Variants in FAF1 observed in about 807,000 individuals in gnomAD.
FAF1 encodes the protein FAS-associated factor 1.
Under a neutral mutation model 92.5 loss-of-function variants are expected in FAF1, and 25 were observed. The ratio of observed to expected loss-of-function variants is 0.27; its 90% CI spans 0.20 to 0.38. The LOEUF (loss-of-function observed/expected upper bound fraction) is 0.38. FAF1 is among the 10% of genes least tolerant of loss of function. FAF1 has a pLI of 1.00. For synonymous variants in FAF1, 234 were observed against 273.2 expected (o/e 0.86, Z 1.42); for missense variants, 636 against 793.3 (o/e 0.80, Z 2.38).
intron 17 of FAF1, among the ~76,000 whole-genome samples, 188 bp downstream of exon 17, chr1:50,490,398 AGG>A (rs1646818381): frequency 3.8e-5 from 2 of 52,842 alleles, no homozygotes; most frequent in Non-Finnish European, 9.9e-5. Context: ...GAAGGAAGGA[AGG>A]AAGGAAGGAA....
chr1:50,553,052 C>A (rs569190037), intron 13 of FAF1, among the ~76,000 whole-genome samples: 42 of 152,124 alleles, frequency 2.8e-4, no homozygotes, highest in Admixed American at 5.9e-4. Context: ...TTTAAAGTAT[C>A]ACAAGGAAAT....
intron 6 of FAF1, among the ~76,000 whole-genome samples, chr1:50,721,697 C>T (rs1386124187): frequency 1.3e-5 from 2 of 152,082 alleles, no homozygotes; most frequent in Admixed American, 6.6e-5. Flanking sequence ...AATCTCAGCT[C>T]ATAACAACAT....
At chr1:50,663,477 A>T (rs1347450328) in intron 7 of FAF1, among the ~76,000 whole-genome samples, 5 of 146,614 alleles carry the variant, frequency 3.4e-5, no homozygotes, top group Admixed American at 1.4e-4. Flanking sequence ...ATCTCAGCTC[A>T]CTGCAACCTC....
At chr1:50,798,412 T>C (rs1291433343) in intron 3 of FAF1, among the ~76,000 whole-genome samples, 2 of 152,216 alleles carry the variant, frequency 1.3e-5, no homozygotes, top group Admixed American at 6.5e-5. Context: ...TTAGAAAACA[T>C]AGCATCAGCT....
chr1:50,903,343 T>C (rs1007395427), intron 1 of FAF1, among the ~76,000 whole-genome samples: 40 of 152,328 alleles, frequency 2.6e-4, no homozygotes, highest in Admixed American at 2.4e-3. Context: ...TATCTCAAAG[T>C]TCCTGAGATA....
chr1:50,739,026 C>T, intron 5 of FAF1, 72 bp from the exon 6 acceptor site: 1 of 980,162 alleles, frequency 1.0e-6, no homozygotes, highest in Admixed American at 2.6e-5. Flanking sequence ...TCCTGTAATT[C>T]TTGAAAAATT....
At chr1:50,921,877 T>C (rs1345700624) in intron 1 of FAF1, among the ~76,000 whole-genome samples, 1 of 151,570 alleles carries the variant, frequency 6.6e-6, no homozygotes, top group Non-Finnish European at 1.5e-5. Flanking sequence ...TACAGAAAAC[T>C]ACCAAATGGC....
rs149420376 is a variant in FAF1 at position 50,554,364 on chromosome 1, A to AATAT, written c.1268+12709_1268+12712dup. 4.6e-3 allele frequency among the ~76,000 whole-genome samples: 538 copies of AATAT among 117,140 alleles called. 5 individuals carry two copies. Among genetic ancestry groups the AATAT allele is most frequent in the Non-Finnish European group, 5.5e-3 (320 of 58,534 alleles). The allele number at this position is 117,140 out of a possible 152,430, so 76.8% of individuals were successfully genotyped here. ...ATTGTGGAAAAGATTAAATGAGGTA[A>AATAT]ATATATATATATATATATATATATA... is the stretch of plus-strand genomic sequence containing the variant. On this transcript the variant is annotated intron_variant, in intron 13 of 18. Coordinates refer to ENST00000396153, the MANE Select transcript of FAF1 (RefSeq NM_007051.3).
At chr1:50,919,816 G>A (rs1471140275) in intron 1 of FAF1, among the ~76,000 whole-genome samples, 2 of 152,172 alleles carry the variant, frequency 1.3e-5, no homozygotes, top group Non-Finnish European at 2.9e-5. Context: ...GTAGTATAAA[G>A]CAATTAAGAG....
intron 18 of FAF1, among the ~76,000 whole-genome samples, chr1:50,449,479 CTTTT>C (rs1170628371): frequency 2.1e-5 from 3 of 145,996 alleles, no homozygotes; most frequent in Non-Finnish European, 4.5e-5. Context: ...GGGGGAACAA[CTTTT>C]TCTTTCTTTT....
chr1:50,774,316 T>C (rs1039633108), intron 4 of FAF1, among the ~76,000 whole-genome samples: 9 of 152,306 alleles, frequency 5.9e-5, no homozygotes, highest in Non-Finnish European at 1.2e-4. Context: ...TTATTACTCA[T>C]AAAGCATGGC....
chr1:50,810,879 T>A (rs1280332018), intron 2 of FAF1, among the ~76,000 whole-genome samples: 2 of 152,144 alleles, frequency 1.3e-5, no homozygotes, highest in African/African-American at 4.8e-5. Context: ...TGAGACCCCG[T>A]CTCTACTGAA....
At chr1:50,596,658 A>G (rs1651836960) in intron 8 of FAF1, among the ~76,000 whole-genome samples, 1 of 152,222 alleles carries the variant, frequency 6.6e-6, no homozygotes, top group Non-Finnish European at 1.5e-5. Flanking sequence ...CAAAAATCTA[A>G]GTTTAGGTTT....
intron 13 of FAF1, among the ~76,000 whole-genome samples, chr1:50,566,432 T>C (rs757609639): frequency 6.6e-6 from 1 of 152,080 alleles, no homozygotes; most frequent in Admixed American, 6.6e-5. Flanking sequence ...TAATTAAACA[T>C]GATGAAATAT....
chr1:50,681,238 G>C (rs1412674368), intron 7 of FAF1, among the ~76,000 whole-genome samples: 1 of 151,960 alleles, frequency 6.6e-6, no homozygotes. Flanking sequence ...GTAGAGACAG[G>C]GTTTAACCAT....
chr1:50,676,382 G>T (rs982699629), intron 7 of FAF1, among the ~76,000 whole-genome samples: 1 of 150,510 alleles, frequency 6.6e-6, no homozygotes, highest in African/African-American at 2.4e-5. Context: ...ACTCCAGCCT[G>T]GGCAACAAGA....
At chr1:50,908,200 C>G (rs1348589816) in intron 1 of FAF1, among the ~76,000 whole-genome samples, 2 of 152,156 alleles carry the variant, frequency 1.3e-5, no homozygotes, top group Non-Finnish European at 2.9e-5. Context: ...GCTTCTTAAT[C>G]CTGAGTTCTA....
intron 9 of FAF1, among the ~76,000 whole-genome samples, chr1:50,594,116 C>T (rs529674261): frequency 5.2e-4 from 79 of 152,028 alleles, no homozygotes; most frequent in Admixed American, 2.7e-3. Flanking sequence ...AGTTCAAGAC[C>T]AGCCTGGCCA....
At chr1:50,693,435 T>C (rs1657027968) in intron 7 of FAF1, among the ~76,000 whole-genome samples, 1 of 152,172 alleles carries the variant, frequency 6.6e-6, no homozygotes, top group Non-Finnish European at 1.5e-5. Context: ...TTAATACTCA[T>C]ATGGAATTTT....
Sources: gnomAD v4.1 joint callset for allele counts (sites outside exome capture counted in the v4.1 genomes callset) on GRCh38, gnomAD v4.1.1 for gene constraint, MANE v1.5 for transcripts, NCBI Gene and HGNC (gene_info 2026-07-23, HGNC 2026-07-21) for gene names.